The following EEF2K variants were observed in gnomAD, a reference collection of about 807,000 sequenced individuals.
EEF2K encodes the protein alternative protein EEF2K.
A neutral mutation model predicts 93.8 loss-of-function variants in EEF2K; 70 were observed. The ratio of observed to expected loss-of-function variants is 0.75; its 90% CI spans 0.62 to 0.91. The LOEUF (loss-of-function observed/expected upper bound fraction) is 0.91. Among genes scored for constraint, EEF2K ranks in the 40% least tolerant of loss-of-function variants. The pLI is 0.00. For synonymous variants in EEF2K, 376 were observed against 380.8 expected, an observed-to-expected ratio of 0.99 and a Z score of 0.15; for missense variants, 935 against 972.9, an observed-to-expected ratio of 0.96 and a Z score of 0.52.
chr16:22,267,559 C>G (rs2141681130), intron 15 of EEF2K, among the ~76,000 whole-genome samples: 1 of 151,588 alleles, frequency 6.6e-6, no homozygotes, highest in African/African-American at 2.4e-5. Context: ...CACACTACTG[C>G]ACTCTAGCCT....
At chr16:22,234,981 A>C (rs1335953116) in intron 2 of EEF2K, among the ~76,000 whole-genome samples, 1 of 147,672 alleles carries the variant, frequency 6.8e-6, no homozygotes, top group African/African-American at 2.5e-5. Context: ...CCCAGGTTCA[A>C]GTGATTCTCT....
At chr16:22,270,293 A>T (rs1412807148) in intron 15 of EEF2K, among the ~76,000 whole-genome samples, 1 of 143,678 alleles carries the variant, frequency 7.0e-6, no homozygotes, top group Non-Finnish European at 1.5e-5. Flanking sequence ...TAATTTTTGT[A>T]TTTTTTTTTT....
At chr16:22,247,854 G>A (rs1056510654) in intron 3 of EEF2K, among the ~76,000 whole-genome samples, 1 of 151,998 alleles carries the variant, frequency 6.6e-6, no homozygotes, top group African/African-American at 2.4e-5. Context: ...ACTCAGAGAC[G>A]GGACCCTTAC....
chr16:22,260,425 T>A (rs2047450926), intron 10 of EEF2K, 37 bp from the exon 11 acceptor site: 1 of 1,613,490 alleles, frequency 6.2e-7, no homozygotes, highest in Admixed American at 1.7e-5. Flanking sequence ...GTTCCAGTAG[T>A]GGAACCAGGA....
At chr16:22,252,258 TGCTGCCACAGGCACG>T (rs1233690932) in intron 6 of EEF2K, among the ~76,000 whole-genome samples, 1 of 152,216 alleles carries the variant, frequency 6.6e-6, no homozygotes, top group South Asian at 2.1e-4. Flanking sequence ...TGAAAAATAA[TGCTGCCACAGGCACG>T]GCTGGATGCA....
intron 1 of EEF2K, among the ~76,000 whole-genome samples, chr16:22,216,824 A>G (rs1375523478): frequency 6.6e-6 from 1 of 152,106 alleles, no homozygotes; most frequent in Non-Finnish European, 1.5e-5. Context: ...AGTCTCATTT[A>G]TCATACCTGG....
intron 17 of EEF2K, among the ~76,000 whole-genome samples, chr16:22,282,841 C>A (rs1235117130): frequency 6.6e-6 from 1 of 152,168 alleles, no homozygotes; most frequent in African/African-American, 2.4e-5. Flanking sequence ...AAATACAGTG[C>A]AGTTACATCA....
chr16:22,252,046 G>A (rs951640875), intron 6 of EEF2K, among the ~76,000 whole-genome samples: 21 of 152,120 alleles, frequency 1.4e-4, no homozygotes, highest in South Asian at 4.2e-4. Context: ...CATCCACCTC[G>A]GCCTCCCAAA....
intron 10 of EEF2K, 197 bp downstream of exon 10, chr16:22,258,892 T>C (rs1017555270): frequency 1.2e-5 from 7 of 607,550 alleles, no homozygotes; most frequent in South Asian, 1.0e-4. Context: ...ACCCCTATTG[T>C]AGGAAACAAA....
intron 11 of EEF2K, 47 bp downstream of exon 11, chr16:22,260,576 G>A (rs560851798): frequency 1.9e-6 from 3 of 1,611,648 alleles, no homozygotes; most frequent in East Asian, 2.2e-5. Flanking sequence ...CCCAGCAGGG[G>A]TAGGAGTGGA....
At chr16:22,263,637 A>T (rs151142815) in intron 12 of EEF2K, among the ~76,000 whole-genome samples, 64 of 152,310 alleles carry the variant, frequency 4.2e-4, no homozygotes, top group African/African-American at 1.4e-3. Context: ...AGTATTTCAG[A>T]TAAAGATAAA....
chr16:22,260,452 C>G lies in EEF2K; in HGVS notation c.1232-10C>G, dbSNP rs773680954. The stretch of plus-strand genomic sequence containing the variant: ...GAACCAGGACATGATGTCTGTTTCT[C>G]CCTGCCCAGATTGGCCAGTGTTCAG... On this transcript the variant is annotated splice_polypyrimidine_tract_variant and intron_variant, in intron 10 of 17. Coordinates refer to ENST00000263026, the MANE Select transcript of EEF2K (RefSeq NM_013302.5). 1.1e-5 allele frequency: 17 copies of G among 1,614,116 alleles called. No homozygotes were observed. Among genetic ancestry groups the G allele is most frequent in the Non-Finnish European group, 1.4e-5 (17 of 1,180,018 alleles).
intron 12 of EEF2K, 109 bp downstream of exon 12, chr16:22,263,296 G>A: frequency 1.0e-6 from 1 of 955,526 alleles, no homozygotes; most frequent in South Asian, 1.8e-5. Context: ...GTCCTGAGAA[G>A]ATAACAAGTA....
chr16:22,235,071 G>A (rs138827661), intron 2 of EEF2K, among the ~76,000 whole-genome samples: 11 of 151,416 alleles, frequency 7.3e-5, no homozygotes, highest in African/African-American at 2.4e-4. Context: ...AAAATTAGCC[G>A]GGCATGGGGG....
chr16:22,234,962 C>A (rs575807885), intron 2 of EEF2K, among the ~76,000 whole-genome samples: 102 of 145,466 alleles, frequency 7.0e-4, no homozygotes, highest in Middle Eastern at 3.8e-3. Context: ...CTCACTGCAA[C>A]CTCTGCCTCC....
chr16:22,217,625 G>A (rs2046971491), intron 1 of EEF2K, among the ~76,000 whole-genome samples: 1 of 152,074 alleles, frequency 6.6e-6, no homozygotes, highest in African/African-American at 2.4e-5. Context: ...GCTAATTTTT[G>A]TATTTTTAGT....
intron 2 of EEF2K, among the ~76,000 whole-genome samples, chr16:22,243,284 C>T (rs1156328372): frequency 6.8e-6 from 1 of 146,626 alleles, no homozygotes. Context: ...CAGGGTCTCC[C>T]TCTGTCACTC....
intron 16 of EEF2K, among the ~76,000 whole-genome samples, chr16:22,276,528 G>A (rs2047637042): frequency 6.6e-6 from 1 of 152,124 alleles, no homozygotes; most frequent in Admixed American, 6.6e-5. Flanking sequence ...GCCCAAATTT[G>A]CGTTTAAGGG....
chr16:22,283,449 G>A (rs1161142776), intron 17 of EEF2K, among the ~76,000 whole-genome samples: 1 of 151,970 alleles, frequency 6.6e-6, no homozygotes, highest in East Asian at 1.9e-4. Flanking sequence ...ACCTGACCTA[G>A]CTGACATGAA....
Sources: gnomAD v4.1 joint callset for allele counts (sites outside exome capture counted in the v4.1 genomes callset) on GRCh38, gnomAD v4.1.1 for gene constraint, MANE v1.5 for transcripts, NCBI Gene and HGNC (gene_info 2026-07-23, HGNC 2026-07-21) for gene names.